The following ARMH3 variants were observed in gnomAD, a reference collection of about 807,000 sequenced individuals.
ARMH3 encodes the protein armadillo-like helical domain-containing protein 3.
Under a neutral mutation model 99.1 loss-of-function variants are expected in ARMH3, and 60 were observed. That is an observed-to-expected ratio of 0.61 (90% confidence interval 0.49 to 0.75). The LOEUF (loss-of-function observed/expected upper bound fraction) is 0.75. Ranked by LOEUF, ARMH3 falls within the 30% of genes least tolerant of loss-of-function variation. ARMH3 has a pLI of 0.00. For synonymous variants in ARMH3, 285 were observed against 292.8 expected, an observed-to-expected ratio of 0.97 and a Z score of 0.27; for missense variants, 679 against 843.1, an observed-to-expected ratio of 0.81 and a Z score of 2.41.
chr10:102,031,648 C>T (rs143999383), intron 4 of ARMH3, among the ~76,000 whole-genome samples: 7 of 152,216 alleles, frequency 4.6e-5, no homozygotes, highest in African/African-American at 1.7e-4. Flanking sequence ...AAAACTGGGG[C>T]TCACAAAGTG....
intron 2 of ARMH3, among the ~76,000 whole-genome samples, chr10:102,037,225 A>G (rs534550367): frequency 4.3e-4 from 60 of 139,676 alleles, no homozygotes; most frequent in African/African-American, 1.5e-3. Flanking sequence ...TCTGTCACCC[A>G]GGCTGTAGTG....
At chr10:101,905,161 T>C (rs971701731) in intron 23 of ARMH3, among the ~76,000 whole-genome samples, 2 of 152,108 alleles carry the variant, frequency 1.3e-5, no homozygotes, top group African/African-American at 4.8e-5. Context: ...AGCAAAGTCC[T>C]ATAGGACTTC....
intron 22 of ARMH3, among the ~76,000 whole-genome samples, chr10:101,953,496 G>A (rs1173922550): frequency 6.6e-6 from 1 of 150,462 alleles, no homozygotes; most frequent in Non-Finnish European, 1.5e-5. Context: ...TCCCGCCTGG[G>A]ACTCTGAAAG....
At chr10:102,016,790 T>G (rs1380977835) in intron 8 of ARMH3, among the ~76,000 whole-genome samples, 1 of 152,206 alleles carries the variant, frequency 6.6e-6, no homozygotes, top group Non-Finnish European at 1.5e-5. Flanking sequence ...TTACAAAATC[T>G]TTGAGTCTTC....
chr10:102,003,414 G>A (rs2066413607), intron 14 of ARMH3, among the ~76,000 whole-genome samples: 4 of 152,048 alleles, frequency 2.6e-5, no homozygotes, highest in Admixed American at 6.5e-5. Flanking sequence ...CACCCACCTC[G>A]GGCCTCCCAA....
At chr10:101,852,321 T>C (rs2066622376) in intron 24 of ARMH3, among the ~76,000 whole-genome samples, 1 of 152,214 alleles carries the variant, frequency 6.6e-6, no homozygotes, top group African/African-American at 2.4e-5. Flanking sequence ...TGCCAGGGCA[T>C]GGTAGAAGGT....
chr10:101,898,286 G>A (rs1198038226), intron 23 of ARMH3, among the ~76,000 whole-genome samples: 3 of 151,688 alleles, frequency 2.0e-5, no homozygotes, highest in African/African-American at 7.3e-5. Flanking sequence ...AGCCAGGGAT[G>A]TCAAGGCTGC....
Position 101,993,544 on chromosome 10 carries a change from A to G in ARMH3, c.1269T>C (p.His423=). 1.3e-6 allele frequency: 2 copies of G among 1,598,742 alleles called. No individual in the cohort carries two copies. The highest frequency in any genetic ancestry group is 1.1e-5 in the South Asian group (1 of 87,456). The part of the protein sequence containing the change: ...DDNMNFRVNL[H]RMPMRHRKKA... ...AAGCAAAAGAAACACCTACCATTCT[A>G]TGTAAGTTTACTCGAAAATTCATGT... is the stretch of plus-strand genomic sequence containing the variant. The change falls in exon 17 of 26, where the codon CAT becomes CAC. Residue 423 remains histidine (H), a synonymous_variant. Transcript: ENST00000370033.
intron 1 of ARMH3, among the ~76,000 whole-genome samples, chr10:102,045,120 C>G (rs1284010830): frequency 2.8e-5 from 4 of 141,186 alleles, no homozygotes; most frequent in South Asian, 2.3e-4. Context: ...ACAGAGCCAG[C>G]CCTTGTCTCA....
At chr10:102,008,580 T>C (rs767971765) in intron 13 of ARMH3, among the ~76,000 whole-genome samples, 5 of 151,998 alleles carry the variant, frequency 3.3e-5, no homozygotes, top group Non-Finnish European at 7.4e-5. Flanking sequence ...TGAGACAGAG[T>C]CTCACTCTGT....
At chr10:101,895,134 A>G (rs946320128) in intron 23 of ARMH3, among the ~76,000 whole-genome samples, 4 of 152,204 alleles carry the variant, frequency 2.6e-5, no homozygotes, top group African/African-American at 9.6e-5. Context: ...AAATAGGGAA[A>G]AAATAGTCTT....
At chr10:102,024,281 T>A (rs1210665038) in intron 6 of ARMH3, among the ~76,000 whole-genome samples, 1 of 151,380 alleles carries the variant, frequency 6.6e-6, no homozygotes, top group Non-Finnish European at 1.5e-5. Context: ...AAACCCCATC[T>A]CTACTAAAAA....
intron 6 of ARMH3, among the ~76,000 whole-genome samples, chr10:102,024,365 T>C (rs1361334317): frequency 6.6e-6 from 1 of 151,524 alleles, no homozygotes; most frequent in Non-Finnish European, 1.5e-5. Context: ...AGGAGAACTG[T>C]TCAAACCCGG....
chr10:102,052,055 T>C (rs576110423), intron 1 of ARMH3, among the ~76,000 whole-genome samples: 1 of 152,072 alleles, frequency 6.6e-6, no homozygotes, highest in Admixed American at 6.5e-5. Context: ...GAGCAGGAGA[T>C]TCCTGTAAAT....
At position 102,039,998 on chromosome 10, in the gene ARMH3, G is replaced by A; in HGVS notation, c.102+15C>T. The A allele has an allele frequency of 6.2e-7, 1 of 1,605,558 alleles. No individual in the cohort carries two copies. The highest frequency in any genetic ancestry group is 1.1e-5 in the South Asian group (1 of 90,892). On this transcript the variant is annotated intron_variant, in intron 2 of 25. Coordinates refer to ENST00000370033, the MANE Select transcript of ARMH3 (RefSeq NM_024541.3). ...TAAAGACTCAAGCTGTACACAACAA[G>A]GCCGCAGGCCTTACCATGAAGATCT...
In ARMH3 at chr10:101,915,294, G is replaced by C. The variant is rs143348437; in HGVS notation, c.1781+24569C>G. ...AAAATCATTCAGCTGAAAGACCCAGGGACATTTGTTCAGCAAGTCACTTAG... is the reference window on the plus strand; with the variant it reads ...AAAATCATTCAGCTGAAAGACCCAGCGACATTTGTTCAGCAAGTCACTTAG... On this transcript the variant is annotated intron_variant, in intron 23 of 25. Coordinates refer to ENST00000370033, the MANE Select transcript of ARMH3 (RefSeq NM_024541.3). Among the ~76,000 whole-genome samples, 292 of 152,206 alleles carry C rather than the reference G, an allele frequency of 1.9e-3. 1 individual carries two copies. The highest frequency in any genetic ancestry group is 6.6e-3 in the African/African-American group (273 of 41,516).
chr10:102,007,656 TA>T (rs961346897), intron 13 of ARMH3, among the ~76,000 whole-genome samples: 733 of 54,966 alleles, frequency 0.013, 10 homozygotes, highest in African/African-American at 0.038. Flanking sequence ...CTGTCTCTAC[TA>T]AAAAAAAAAA....
At chr10:101,866,113 T>TG (rs1180343768) in intron 24 of ARMH3, among the ~76,000 whole-genome samples, 1 of 151,050 alleles carries the variant, frequency 6.6e-6, no homozygotes, top group Non-Finnish European at 1.5e-5. Flanking sequence ...CTCAGCTACT[T>TG]GGGAGGCTGA....
chr10:101,866,511 A>T (rs895519222), intron 24 of ARMH3, among the ~76,000 whole-genome samples: 3 of 151,694 alleles, frequency 2.0e-5, no homozygotes, highest in African/African-American at 7.3e-5. Context: ...AAAGAAAAGG[A>T]AAAGAAATTT....
Sources: gnomAD v4.1 joint callset for allele counts (sites outside exome capture counted in the v4.1 genomes callset) on GRCh38, gnomAD v4.1.1 for gene constraint, MANE v1.5 for transcripts, NCBI Gene and HGNC (gene_info 2026-07-23, HGNC 2026-07-21) for gene names.